Variants in PUS7L observed in about 807,000 individuals in gnomAD.
PUS7L encodes the protein pseudouridylate synthase PUS7L.
PUS7L carries 49 observed loss-of-function variants against 51.1 expected under a neutral mutation model. The ratio of observed to expected loss-of-function variants is 0.96; its 90% CI spans 0.76 to 1.22. The LOEUF (loss-of-function observed/expected upper bound fraction) is 1.22, where lower values mean the gene tolerates loss of function less well. PUS7L is among the 50% of genes most tolerant of loss of function. The pLI, the probability that PUS7L is intolerant of heterozygous loss-of-function variation, is 0.00. For missense variants in PUS7L, 828 were observed against 820.6 expected (o/e 1.01, Z -0.11); for synonymous variants, 277 against 276.2 (o/e 1.00, Z -0.03).
chr12:43,757,672 G>A (rs1938859749), intron 1 of PUS7L, among the ~76,000 whole-genome samples: 1 of 152,122 alleles, frequency 6.6e-6, no homozygotes, highest in Non-Finnish European at 1.5e-5. Context: ...AAATACTATT[G>A]TTAAATAAAT....
At position 43,725,907 on chromosome 12, in the gene PUS7L, C is replaced by A. The variant is rs1944448586; in HGVS notation, c.*4469G>T. 1 of 151,928 alleles carries A rather than the reference C, an allele frequency of 6.6e-6. No individual in the cohort carries two copies. The highest frequency in any genetic ancestry group is 1.5e-5 in the Non-Finnish European group (1 of 68,000). 9.4% of individuals were successfully genotyped at this position (151,928 alleles called of 1,614,324 possible). On this transcript the variant is annotated 3_prime_UTR_variant, in exon 9 of 9. Coordinates refer to ENST00000344862, the MANE Select transcript of PUS7L (RefSeq NM_031292.5). ...TATGGATTAAAGTGTGAGATACTGACATAATAGATACTCAGAAAATGTTAG... is the reference window on the plus strand; with the variant it reads ...TATGGATTAAAGTGTGAGATACTGAAATAATAGATACTCAGAAAATGTTAG...
At position 43,730,217 on chromosome 12, in the gene PUS7L, T is replaced by C. The variant is rs764158410; in HGVS notation, c.*159A>G. ...TGGACCCTGACACTTACATATCCTC[T>C]ATAAAATTACAGTATCAAATCCTAA... On this transcript the variant is annotated 3_prime_UTR_variant, in exon 9 of 9. Coordinates refer to ENST00000344862, the MANE Select transcript of PUS7L (RefSeq NM_031292.5). 6.5e-6 allele frequency: 4 copies of C among 613,600 alleles called. No homozygotes were observed. The highest frequency in any genetic ancestry group is 1.1e-5 in the Non-Finnish European group (4 of 352,838). 38.0% of individuals were successfully genotyped at this position (613,600 alleles called of 1,614,324 possible). A position where few individuals can be genotyped will look rare whatever the true frequency, so the allele number is the denominator to read the frequency against.
At position 43,725,251 on chromosome 12, in the gene PUS7L, G is replaced by C. The variant is rs1014600618; in HGVS notation, c.*5125C>G. On this transcript the variant is annotated 3_prime_UTR_variant, in exon 9 of 9. Transcript: ENST00000344862. Reference sequence around the variant, plus strand: ...TATGATACAAATCCCAAAATACTTTGGGAAAACTCCAAAATGATTTGGGGA... The same window carrying C: ...TATGATACAAATCCCAAAATACTTTCGGAAAACTCCAAAATGATTTGGGGA... 1 of 152,056 alleles carries C rather than the reference G, an allele frequency of 6.6e-6. No homozygotes were observed. Among genetic ancestry groups the C allele is most frequent in the Non-Finnish European group, 1.5e-5 (1 of 68,016 alleles). 9.4% of individuals were successfully genotyped at this position (152,056 alleles called of 1,614,324 possible).
chr12:43,720,945 A>T lies in PUS7L; in HGVS notation c.*9431T>A, dbSNP rs1202121657. ...ATGTGTCCTCATCTATAAAATGAAAATAATAACAGTACTTATCCCACATGT... is the reference window on the plus strand; with the variant it reads ...ATGTGTCCTCATCTATAAAATGAAATTAATAACAGTACTTATCCCACATGT... On this transcript the variant is annotated 3_prime_UTR_variant, in exon 9 of 9. Transcript: ENST00000344862. 6.6e-6 allele frequency: 1 copy of T among 152,202 alleles called. No individual in the cohort carries two copies. The allele number at this position is 152,202 out of a possible 1,614,324, so 9.4% of individuals were successfully genotyped here.
At position 43,757,738 on chromosome 12, in the gene PUS7L, A is replaced by T. The variant is rs184722177; in HGVS notation, c.-17+992T>A. ...GAATGAAGTGGAAGATAATTAGAAGAGGCATAATGCAAGAAGTGGCCATCT... is the reference window on the plus strand; with the variant it reads ...GAATGAAGTGGAAGATAATTAGAAGTGGCATAATGCAAGAAGTGGCCATCT... On this transcript the variant is annotated intron_variant, in intron 1 of 8. Coordinates refer to ENST00000344862, the MANE Select transcript of PUS7L (RefSeq NM_031292.5). Among the ~76,000 whole-genome samples the T allele has an allele frequency of 1.4e-4, 22 of 152,354 alleles. No homozygotes were observed. The East Asian group carries it at 4.2e-3, about 29-fold the overall frequency.
Position 43,758,755 on chromosome 12 carries a change from T to C in PUS7L, c.-42A>G, listed in dbSNP as rs957995696. On this transcript the variant is annotated 5_prime_UTR_variant, in exon 1 of 9. Transcript: ENST00000344862. Reference sequence around the variant, plus strand: ...CTCGGTTCAGTGGAAGGCATTCATTTGCACAACGCTGTGCGCATGCCCGGA... The same window carrying C: ...CTCGGTTCAGTGGAAGGCATTCATTCGCACAACGCTGTGCGCATGCCCGGA... The C allele has an allele frequency of 2.8e-5, 27 of 978,754 alleles. No individual in the cohort carries two copies. In the East Asian group the frequency reaches 1.1e-3, roughly 39 times the overall value. The allele number at this position is 978,754 out of a possible 1,614,324, so 60.6% of individuals were successfully genotyped here. A position where few individuals can be genotyped will look rare whatever the true frequency, so the allele number is the denominator to read the frequency against.
intron 1 of PUS7L, chr12:43,758,493 C>T: frequency 1.0e-6 from 1 of 985,612 alleles, no homozygotes; most frequent in Non-Finnish European, 1.2e-6. Flanking sequence ...AAAACTAGGG[C>T]GTCGTTGCCC....
At position 43,758,737 on chromosome 12, in the gene PUS7L, C is replaced by T. The variant is rs1385547719; in HGVS notation, c.-24G>A. The T allele has an allele frequency of 1.0e-6, 1 of 979,408 alleles. No individual in the cohort carries two copies. The highest frequency in any genetic ancestry group is 1.8e-5 in the African/African-American group (1 of 55,032). 60.7% of individuals were successfully genotyped at this position (979,408 alleles called of 1,614,324 possible). ...AAACTCGACCCCGTCTACCTCGGTT[C>T]AGTGGAAGGCATTCATTTGCACAAC... On this transcript the variant is annotated 5_prime_UTR_variant, in exon 1 of 9. The change abolishes the stop of an existing upstream ORF in the 5' untranslated region. Coordinates refer to ENST00000344862, the MANE Select transcript of PUS7L (RefSeq NM_031292.5).
At chr12:43,756,235 T>C (rs1938694002) in intron 1 of PUS7L, among the ~76,000 whole-genome samples, 1 of 152,236 alleles carries the variant, frequency 6.6e-6, no homozygotes, top group Non-Finnish European at 1.5e-5. Context: ...AAGATATACT[T>C]ACTTTCCTTA....
chr12:43,733,677 T>C (rs958403330), intron 7 of PUS7L, among the ~76,000 whole-genome samples: 1 of 152,232 alleles, frequency 6.6e-6, no homozygotes, highest in Non-Finnish European at 1.5e-5. Context: ...TACTAATTAG[T>C]GTGCTTTCCA....
At chr12:43,748,778 C>T (rs1938300774) in intron 2 of PUS7L, among the ~76,000 whole-genome samples, 169 bp from the exon 3 acceptor site, 1 of 152,124 alleles carries the variant, frequency 6.6e-6, no homozygotes. Context: ...GGCTGCAGTG[C>T]AGTGGCGCAA....
chr12:43,723,944 A>G lies in PUS7L; in HGVS notation c.*6432T>C, dbSNP rs1173242541. On this transcript the variant is annotated 3_prime_UTR_variant, in exon 9 of 9. Coordinates refer to ENST00000344862, the MANE Select transcript of PUS7L (RefSeq NM_031292.5). ...TTCTGAACAAATGCAATCATAACCC[A>G]TTAATTCCCTTAAATTTCCCTCTTT... 3.9e-5 allele frequency: 6 copies of G among 152,074 alleles called. No individual in the cohort carries two copies. Among genetic ancestry groups the G allele is most frequent in the Non-Finnish European group, 7.4e-5 (5 of 67,948 alleles). 9.4% of individuals were successfully genotyped at this position (152,074 alleles called of 1,614,324 possible).
chr12:43,748,738 G>A (rs1380023511), intron 2 of PUS7L, 129 bp from the exon 3 acceptor site: 7 of 795,810 alleles, frequency 8.8e-6, no homozygotes, highest in African/African-American at 1.7e-5. Context: ...TGTTGTTGTT[G>A]TTTTGTGATG....
At position 43,725,903 on chromosome 12, in the gene PUS7L, C is replaced by A. The variant is rs1440527339; in HGVS notation, c.*4473G>T. The A allele has an allele frequency of 6.6e-6, 1 of 151,950 alleles. No homozygotes were observed. Among genetic ancestry groups the A allele is most frequent in the African/African-American group, 2.4e-5 (1 of 41,326 alleles). The allele number at this position is 151,950 out of a possible 1,614,324, so 9.4% of individuals were successfully genotyped here. Reference sequence around the variant, plus strand: ...GGAATATGGATTAAAGTGTGAGATACTGACATAATAGATACTCAGAAAATG... The same window carrying A: ...GGAATATGGATTAAAGTGTGAGATAATGACATAATAGATACTCAGAAAATG... On this transcript the variant is annotated 3_prime_UTR_variant, in exon 9 of 9. Coordinates refer to ENST00000344862, the MANE Select transcript of PUS7L (RefSeq NM_031292.5).
rs1465036074 is a variant in PUS7L, at chr12:43,758,766, G to A, written c.-53C>T. The A allele has an allele frequency of 1.0e-6, 1 of 976,494 alleles. No homozygotes were observed. The highest frequency in any genetic ancestry group is 1.2e-6 in the Non-Finnish European group (1 of 823,072). The allele number at this position is 976,494 out of a possible 1,614,324, so 60.5% of individuals were successfully genotyped here. A position where few individuals can be genotyped will look rare whatever the true frequency, so the allele number is the denominator to read the frequency against. On this transcript the variant is annotated 5_prime_UTR_variant, in exon 1 of 9. Coordinates refer to ENST00000344862, the MANE Select transcript of PUS7L (RefSeq NM_031292.5). ...GGAAGGCATTCATTTGCACAACGCT[G>A]TGCGCATGCCCGGAAGCCTTAAGTG...
At chr12:43,752,655 C>T (rs1938510363) in intron 2 of PUS7L, among the ~76,000 whole-genome samples, 3 of 152,110 alleles carry the variant, frequency 2.0e-5, no homozygotes. Context: ...TGTATGATTC[C>T]ACTTATATGA....
intron 2 of PUS7L, among the ~76,000 whole-genome samples, chr12:43,749,813 T>C (rs1328362743): frequency 6.6e-6 from 1 of 152,158 alleles, no homozygotes. Flanking sequence ...AAACACCTCA[T>C]GTTCTCACTT....
chr12:43,755,306 T>A, intron 1 of PUS7L, 45 bp from the exon 2 acceptor site: 1 of 1,226,202 alleles, frequency 8.2e-7, no homozygotes, highest in Non-Finnish European at 1.1e-6. Context: ...GAAAGAGAAG[T>A]TATGGATGAC....
At chr12:43,745,150 C>T (rs1938103244) in intron 4 of PUS7L, among the ~76,000 whole-genome samples, 1 of 152,012 alleles carries the variant, frequency 6.6e-6, no homozygotes, top group Non-Finnish European at 1.5e-5. Context: ...ATTATCTGGC[C>T]CTTTACAGTA....
Sources: gnomAD v4.1 joint callset for allele counts (sites outside exome capture counted in the v4.1 genomes callset) on GRCh38, gnomAD v4.1.1 for gene constraint, MANE v1.5 for transcripts, NCBI Gene and HGNC (gene_info 2026-07-23, HGNC 2026-07-21) for gene names.